Variants in KIRREL1 observed in about 807,000 individuals in gnomAD.
KIRREL1 encodes kin of IRRE-like protein 1.
KIRREL1 carries 25 observed loss-of-function variants against 83.3 expected under a neutral mutation model. That is an observed-to-expected ratio of 0.30 (90% CI 0.22 to 0.42). KIRREL1 has a LOEUF of 0.42. Ranked by LOEUF, KIRREL1 falls within the 10% of genes least tolerant of loss-of-function variation. The pLI, the probability that KIRREL1 is intolerant of heterozygous loss-of-function variation, is 1.00. For synonymous variants in KIRREL1, 388 were observed against 410.4 expected, an observed-to-expected ratio of 0.95 and a Z score of 0.66; for missense variants, 812 against 1,032.3, an observed-to-expected ratio of 0.79 and a Z score of 2.92.
At position 158,100,072 on chromosome 1, in the gene KIRREL1, T is replaced by C. The variant is rs940657378; in HGVS notation, c.*4952T>C. 6.6e-6 allele frequency: 1 copy of C among 152,118 alleles called. No individual in the cohort carries two copies. Among genetic ancestry groups the C allele is most frequent in the Non-Finnish European group, 1.5e-5 (1 of 68,040 alleles). 9.4% of individuals were successfully genotyped at this position (152,118 alleles called of 1,614,324 possible). On this transcript the variant is annotated 3_prime_UTR_variant, in exon 15 of 15. Coordinates refer to ENST00000359209, the MANE Select transcript of KIRREL1 (RefSeq NM_018240.7). The stretch of plus-strand genomic sequence containing the variant: ...AATTAAGAGAAGAGAAAAAAAGATA[T>C]TATTTTTGTTAGGACAAACCATTGT...
At chr1:158,006,666 C>T (rs1659527345) in intron 1 of KIRREL1, among the ~76,000 whole-genome samples, 1 of 152,212 alleles carries the variant, frequency 6.6e-6, no homozygotes, top group Non-Finnish European at 1.5e-5. Context: ...GTGCCCTTAC[C>T]TGTCTAGTGT....
At position 157,993,657 on chromosome 1, in the gene KIRREL1, G is replaced by A; in HGVS notation, c.-20G>A. On this transcript the variant is annotated 5_prime_UTR_variant, in exon 1 of 15. Coordinates refer to ENST00000359209, the MANE Select transcript of KIRREL1 (RefSeq NM_018240.7). ...AACTCCGGGCCCCAGCCGCGGGCGGGCGCACGGCGGGCGGACAGCATGCTG... is the reference window on the plus strand; with the variant it reads ...AACTCCGGGCCCCAGCCGCGGGCGGACGCACGGCGGGCGGACAGCATGCTG... 2.0e-6 allele frequency: 3 copies of A among 1,472,106 alleles called. No individual in the cohort carries two copies. The highest frequency in any genetic ancestry group is 2.7e-5 in the South Asian group (2 of 74,582). 91.2% of individuals were successfully genotyped at this position (1,472,106 alleles called of 1,614,324 possible). A position where few individuals can be genotyped will look rare whatever the true frequency, so the allele number is the denominator to read the frequency against.
chr1:158,041,480 C>T (rs1478300047), intron 1 of KIRREL1, among the ~76,000 whole-genome samples: 6 of 152,038 alleles, frequency 3.9e-5, no homozygotes, highest in East Asian at 3.8e-4. Flanking sequence ...GATCCAGGCT[C>T]ATAACAGTCC....
intron 1 of KIRREL1, among the ~76,000 whole-genome samples, chr1:157,995,065 T>C (rs1369693389): frequency 6.6e-6 from 1 of 152,182 alleles, no homozygotes; most frequent in Non-Finnish European, 1.5e-5. Flanking sequence ...GGAGGAGGTG[T>C]CCTCTTTTAG....
intron 1 of KIRREL1, among the ~76,000 whole-genome samples, chr1:158,051,068 G>A (rs571610731): frequency 2.6e-5 from 4 of 152,282 alleles, no homozygotes; most frequent in Admixed American, 6.5e-5. Context: ...TGCTCAGAAC[G>A]AAGTTCCCCT....
At chr1:158,007,569 C>T (rs1317324) in intron 1 of KIRREL1, among the ~76,000 whole-genome samples, 9,898 of 152,104 alleles carry the variant, frequency 0.065, 498 homozygotes, top group African/African-American at 0.15. Flanking sequence ...CCCCCGACAC[C>T]TCAGGAGAGG....
intron 1 of KIRREL1, among the ~76,000 whole-genome samples, chr1:158,071,201 G>A (rs531082007): frequency 2.6e-5 from 4 of 152,190 alleles, no homozygotes; most frequent in Admixed American, 2.6e-4. Context: ...TCTTTTCCAC[G>A]CTGGGCTCTT....
Position 158,076,102 on chromosome 1 carries a change from T to G in KIRREL1, c.53-11T>G. On this transcript the variant is annotated splice_polypyrimidine_tract_variant and intron_variant, in intron 1 of 14. Coordinates refer to ENST00000359209, the MANE Select transcript of KIRREL1 (RefSeq NM_018240.7). ...TACTCATCTTACCCAGTGCTGGCTT[T>G]GGCTTTGCAGGGACCCAGACCCGCT... 1 of 1,613,018 alleles carries G rather than the reference T, an allele frequency of 6.2e-7. No homozygotes were observed. The highest frequency in any genetic ancestry group is 8.5e-7 in the Non-Finnish European group (1 of 1,179,590).
At position 158,002,189 on chromosome 1, in the gene KIRREL1, T is replaced by G. The variant is rs571060249; in HGVS notation, c.52+8461T>G. On this transcript the variant is annotated intron_variant, in intron 1 of 14. Transcript: ENST00000359209. ...CCTCTGAGAATACTTCAGTATAAGATAAAGATGCCTGGAGGCAGAGTTCAA... is the reference window on the plus strand; with the variant it reads ...CCTCTGAGAATACTTCAGTATAAGAGAAAGATGCCTGGAGGCAGAGTTCAA... Among the ~76,000 whole-genome samples the G allele has an allele frequency of 2.0e-5, 3 of 152,272 alleles. No homozygotes were observed. In the East Asian group the frequency reaches 5.8e-4, roughly 29 times the overall value.
intron 1 of KIRREL1, among the ~76,000 whole-genome samples, chr1:158,031,455 G>A (rs908834154): frequency 3.9e-5 from 6 of 152,172 alleles, no homozygotes; most frequent in Non-Finnish European, 8.8e-5. Flanking sequence ...CTTCTCAGGT[G>A]CCCTCTAGGC....
At chr1:158,012,622 G>T (rs1358527826) in intron 1 of KIRREL1, among the ~76,000 whole-genome samples, 1 of 152,162 alleles carries the variant, frequency 6.6e-6, no homozygotes, top group African/African-American at 2.4e-5. Context: ...CCAATTGTCT[G>T]TGTGACCTTG....
intron 1 of KIRREL1, among the ~76,000 whole-genome samples, chr1:158,022,088 G>A (rs1288393456): frequency 1.3e-5 from 2 of 152,048 alleles, no homozygotes; most frequent in Non-Finnish European, 2.9e-5. Context: ...TTATGCACCT[G>A]GATTCCTAGT....
intron 1 of KIRREL1, among the ~76,000 whole-genome samples, chr1:158,056,135 T>A (rs1925031): frequency 0.95 from 145,187 of 152,096 alleles, 69,671 homozygotes; most frequent in East Asian, 1. Flanking sequence ...CATCCTGCCC[T>A]CTCCTTTCCT....
chr1:158,093,577 G>A, intron 12 of KIRREL1, 46 bp from the exon 13 acceptor site: 1 of 1,612,588 alleles, frequency 6.2e-7, no homozygotes, highest in Non-Finnish European at 8.5e-7. Context: ...AGCCGCTGCA[G>A]AGACCAGCAG....
In KIRREL1 at chr1:158,008,315, C is replaced by G. The variant is rs544822687; in HGVS notation, c.52+14587C>G. Among the ~76,000 whole-genome samples, 106 of 152,238 alleles carry G rather than the reference C, an allele frequency of 7.0e-4. 2 individuals carry two copies. In the South Asian group the frequency reaches 0.019, roughly 28 times the overall value. On this transcript the variant is annotated intron_variant, in intron 1 of 14. Transcript: ENST00000359209. ...CCCAGCAGGCCCCAGGGGTCTCTGC[C>G]AGAAGGCAGGAGGCTGTGCCCCTTG...
chr1:158,048,726 T>C (rs569923662), intron 1 of KIRREL1, among the ~76,000 whole-genome samples: 4 of 152,192 alleles, frequency 2.6e-5, no homozygotes, highest in Non-Finnish European at 4.4e-5. Context: ...ACAACTGAAG[T>C]TGAGCACCTG....
At chr1:158,074,619 G>T (rs1558011649) in intron 1 of KIRREL1, among the ~76,000 whole-genome samples, 2 of 152,214 alleles carry the variant, frequency 1.3e-5, no homozygotes, top group Non-Finnish European at 2.9e-5. Context: ...GCAGGGCCGA[G>T]TGACGCGACC....
chr1:158,043,407 C>G (rs909294795), intron 1 of KIRREL1, among the ~76,000 whole-genome samples: 1 of 152,198 alleles, frequency 6.6e-6, no homozygotes, highest in Non-Finnish European at 1.5e-5. Flanking sequence ...CTTGGCCCGG[C>G]TGCACGCCTC....
intron 11 of KIRREL1, among the ~76,000 whole-genome samples, 163 bp downstream of exon 11, chr1:158,091,719 G>A (rs1662203085): frequency 6.6e-6 from 1 of 152,216 alleles, no homozygotes; most frequent in Non-Finnish European, 1.5e-5. Context: ...AGGAGTGAAG[G>A]GGTTTGGGGC....
Sources: gnomAD v4.1 joint callset for allele counts (sites outside exome capture counted in the v4.1 genomes callset) on GRCh38, gnomAD v4.1.1 for gene constraint, MANE v1.5 for transcripts, NCBI Gene and HGNC (gene_info 2026-07-23, HGNC 2026-07-21) for gene names.